Variants in CSMD1 observed in about 807,000 individuals in gnomAD.
CSMD1 encodes the protein CUB and Sushi multiple domains 1.
CSMD1 carries 213 observed loss-of-function variants against 417.5 expected under a neutral mutation model. The observed-to-expected ratio is 0.51, with a 90% CI of 0.46 to 0.57. CSMD1 has a LOEUF of 0.57. Ranked by LOEUF, CSMD1 falls within the 20% of genes least tolerant of loss-of-function variation. The pLI, the probability that CSMD1 is intolerant of heterozygous loss-of-function variation, is 0.00. For missense variants in CSMD1, 6,923 were observed against 4,529.7 expected (o/e 1.53, Z -15.17); for synonymous variants, 2,862 against 1,736.8 (o/e 1.65, Z -16.11).
chr8:3,756,850 C>T (rs1216617274), intron 5 of CSMD1, among the ~76,000 whole-genome samples: 2 of 151,794 alleles, frequency 1.3e-5, no homozygotes, highest in Non-Finnish European at 2.9e-5. Flanking sequence ...GGCTGGAGTG[C>T]AGTGGTGCAA....
chr8:3,420,028 C>T (rs949018053), intron 12 of CSMD1, among the ~76,000 whole-genome samples: 4 of 152,116 alleles, frequency 2.6e-5, no homozygotes, highest in African/African-American at 9.7e-5. Flanking sequence ...AGCCAATGCA[C>T]AGTGCCTAAA....
intron 5 of CSMD1, among the ~76,000 whole-genome samples, chr8:3,907,780 AT>A (rs1193793275): frequency 6.6e-6 from 1 of 152,160 alleles, no homozygotes; most frequent in African/African-American, 2.4e-5. Context: ...GACTCTTAGA[AT>A]CACCCGCTGC....
At position 4,078,751 on chromosome 8, in the gene CSMD1, T is replaced by C. The variant is rs998847422; in HGVS notation, c.416-46652A>G. Among the ~76,000 whole-genome samples, 9 of 150,884 alleles carry C rather than the reference T, an allele frequency of 6.0e-5. No individual in the cohort carries two copies. The South Asian group carries it at 6.3e-4, about 11-fold the overall frequency. ...TTAAGGCAACCCTTGTATTTAAATTTCAGGCCTGGCACACTGGCTTACACC... is the reference window on the plus strand; with the variant it reads ...TTAAGGCAACCCTTGTATTTAAATTCCAGGCCTGGCACACTGGCTTACACC... On this transcript the variant is annotated intron_variant, in intron 3 of 69. Coordinates refer to ENST00000635120, the MANE Select transcript of CSMD1 (RefSeq NM_033225.6).
At chr8:4,943,550 C>T (rs11993056) in intron 1 of CSMD1, among the ~76,000 whole-genome samples, 76,574 of 149,680 alleles carry the variant, frequency 0.51, 21,013 homozygotes, top group East Asian at 0.79. Context: ...AAATCATCAC[C>T]TCTCTGTAAC....
chr8:4,973,221 T>A (rs897074936), intron 1 of CSMD1, among the ~76,000 whole-genome samples: 2 of 152,128 alleles, frequency 1.3e-5, no homozygotes, highest in African/African-American at 4.8e-5. Context: ...ATCATATTAT[T>A]GAGAGAAAGC....
At chr8:4,473,523 G>A (rs188673088) in intron 2 of CSMD1, among the ~76,000 whole-genome samples, 70 of 152,240 alleles carry the variant, frequency 4.6e-4, no homozygotes, top group African/African-American at 1.5e-3. Flanking sequence ...CACCTGCTTT[G>A]CAATTAGGCT....
At chr8:3,245,306 T>TGGGTCCCA (rs1563180966) in intron 26 of CSMD1, among the ~76,000 whole-genome samples, 1 of 152,100 alleles carries the variant, frequency 6.6e-6, no homozygotes, top group Non-Finnish European at 1.5e-5. Context: ...TTCCGGTACC[T>TGGGTCCCA]GGGTCCCAGT....
chr8:3,886,418 G>C (rs946600855), intron 5 of CSMD1, among the ~76,000 whole-genome samples: 64 of 152,300 alleles, frequency 4.2e-4, no homozygotes, highest in African/African-American at 1.5e-3. Flanking sequence ...CAGTGATTTA[G>C]AATGTAATCG....
intron 3 of CSMD1, among the ~76,000 whole-genome samples, chr8:4,117,354 A>G (rs1243528112): frequency 6.6e-6 from 1 of 150,992 alleles, no homozygotes; most frequent in Non-Finnish European, 1.5e-5. Context: ...TCATCGCCTC[A>G]TGCTTCATAA....
chr8:3,216,995 G>A (rs1278430735), intron 29 of CSMD1, among the ~76,000 whole-genome samples: 1 of 152,160 alleles, frequency 6.6e-6, no homozygotes, highest in Non-Finnish European at 1.5e-5. Flanking sequence ...ACTGCTTGAG[G>A]CTGGATGCAA....
rs1238258029 is a variant in CSMD1, at chr8:3,751,316, GTGTGTGTGTGTATATA to G, written c.931+2598_931+2613del. Among the ~76,000 whole-genome samples, 9 of 146,210 alleles carry G rather than the reference GTGTGTGTGTGTATATA, an allele frequency of 6.2e-5. No individual in the cohort carries two copies. In the East Asian group the frequency reaches 1.4e-3, roughly 23 times the overall value. ...ACAATTGAAGTGTGTGTGTGTGTGT[GTGTGTGTGTGTATATA>G]TATATATATACACGAACACACATCT... On this transcript the variant is annotated intron_variant, in intron 6 of 69. Coordinates refer to ENST00000635120, the MANE Select transcript of CSMD1 (RefSeq NM_033225.6).
intron 7 of CSMD1, among the ~76,000 whole-genome samples, chr8:3,632,730 AC>A (rs140874291): frequency 0.02 from 3,088 of 152,332 alleles, 70 homozygotes; most frequent in Admixed American, 0.03. Flanking sequence ...AAAGATGACC[AC>A]ACCAATGTCC....
chr8:4,186,890 G>C (rs1798710446), intron 3 of CSMD1, among the ~76,000 whole-genome samples: 1 of 151,614 alleles, frequency 6.6e-6, no homozygotes, highest in Non-Finnish European at 1.5e-5. Flanking sequence ...CAGCTACTCG[G>C]GAGGCTGAGG....
intron 3 of CSMD1, among the ~76,000 whole-genome samples, chr8:4,156,603 T>C (rs1796847586): frequency 6.6e-6 from 1 of 152,198 alleles, no homozygotes; most frequent in African/African-American, 2.4e-5. Flanking sequence ...AGTGACAATA[T>C]TAAAAACAAT....
chr8:3,094,505 A>T (rs970924813), intron 47 of CSMD1, among the ~76,000 whole-genome samples: 1 of 152,200 alleles, frequency 6.6e-6, no homozygotes, highest in African/African-American at 2.4e-5. Flanking sequence ...TAGTCTTTAA[A>T]AGCACATATT....
At chr8:4,575,986 C>T (rs1799118293) in intron 2 of CSMD1, among the ~76,000 whole-genome samples, 3 of 152,350 alleles carry the variant, frequency 2.0e-5, no homozygotes, top group African/African-American at 2.4e-5. Flanking sequence ...ACCACAGCCT[C>T]AGTCCAAGCT....
intron 3 of CSMD1, among the ~76,000 whole-genome samples, chr8:4,353,830 C>A (rs1050422439): frequency 6.6e-6 from 1 of 152,196 alleles, no homozygotes; most frequent in Non-Finnish European, 1.5e-5. Context: ...GTTCTTCTCT[C>A]CTCAGTGACC....
chr8:4,113,964 A>G (rs1024876467), intron 3 of CSMD1, among the ~76,000 whole-genome samples: 1 of 152,198 alleles, frequency 6.6e-6, no homozygotes. Context: ...CCATAATATA[A>G]AAGTTCCAGG....
At chr8:4,663,182 C>G (rs1030897972) in intron 1 of CSMD1, among the ~76,000 whole-genome samples, 1 of 152,142 alleles carries the variant, frequency 6.6e-6, no homozygotes, top group Admixed American at 6.6e-5. Context: ...CTGGGAAGTG[C>G]TGGTTCTCTT....
Sources: allele counts gnomAD v4.1 joint callset (sites outside exome capture counted in the v4.1 genomes callset), GRCh38; gene constraint gnomAD v4.1.1; transcripts MANE v1.5; gene names NCBI Gene and HGNC (gene_info 2026-07-23, HGNC 2026-07-21).